The following UGT2B7 variants were observed in gnomAD, a reference collection of about 807,000 sequenced individuals.
UGT2B7 encodes UDP-glucuronosyltransferase 2B7.
Under a neutral mutation model 51.9 loss-of-function variants are expected in UGT2B7, and 51 were observed. That is an observed-to-expected ratio of 0.98 (90% CI 0.78 to 1.24). The LOEUF (loss-of-function observed/expected upper bound fraction) is 1.24, where lower values mean the gene tolerates loss of function less well. UGT2B7 is among the 50% of genes most tolerant of loss of function. UGT2B7 has a pLI of 0.00. For synonymous variants in UGT2B7, 225 were observed against 211.6 expected, an observed-to-expected ratio of 1.06 and a Z score of -0.55; for missense variants, 727 against 628.4, an observed-to-expected ratio of 1.16 and a Z score of -1.68.
chr4:69,058,840 G>T (rs1217225082), intron 1 of UGT2B7, among the ~76,000 whole-genome samples: 1 of 152,098 alleles, frequency 6.6e-6, no homozygotes, highest in African/African-American at 2.4e-5. Context: ...AGGGAAGCTG[G>T]CTTTGCAAGG....
At chr4:69,059,261 A>G (rs1374125262) in intron 1 of UGT2B7, among the ~76,000 whole-genome samples, 3 of 152,212 alleles carry the variant, frequency 2.0e-5, no homozygotes, top group Non-Finnish European at 2.9e-5. Flanking sequence ...CTGTGCAACT[A>G]TTGTGGGAGC....
chr4:69,076,128 C>T lies in UGT2B7; in HGVS notation c.-158-13344C>T, dbSNP rs536149525. Among the ~76,000 whole-genome samples, 9 of 152,272 alleles carry T rather than the reference C, an allele frequency of 5.9e-5. No homozygotes were observed. The South Asian group carries it at 1.0e-3, about 18-fold the overall frequency. ...ATGTACTCATCCTTTTTTATGTGTGCATAGTATTCTATGATATATATGTGC... is the reference window on the plus strand; with the variant it reads ...ATGTACTCATCCTTTTTTATGTGTGTATAGTATTCTATGATATATATGTGC... On this transcript the variant is annotated intron_variant, in intron 1 of 5. Coordinates refer to the UGT2B7 transcript ENST00000502942.
At chr4:69,061,840 A>T (rs2109863119) in intron 1 of UGT2B7, among the ~76,000 whole-genome samples, 1 of 152,182 alleles carries the variant, frequency 6.6e-6, no homozygotes, top group East Asian at 1.9e-4. Context: ...CTGCTTATGG[A>T]CTTCTCCGAA....
At position 69,103,016 on chromosome 4, in the gene UGT2B7, C is replaced by G. The variant is rs563041362; in HGVS notation, c.1002+78C>G. The G allele has an allele frequency of 3.9e-6, 6 of 1,551,612 alleles. No individual in the cohort carries two copies. In the African/African-American group the frequency reaches 7.0e-5, roughly 18 times the overall value. ...GTTTGAAGTAATCCAATTATAGAAACTTCTGATAAATGTGAAGTTGACCAA... is the reference window on the plus strand; with the variant it reads ...GTTTGAAGTAATCCAATTATAGAAAGTTCTGATAAATGTGAAGTTGACCAA... On this transcript the variant is annotated intron_variant, in intron 3 of 5. Coordinates refer to ENST00000305231, the MANE Select transcript of UGT2B7 (RefSeq NM_001074.4).
At chr4:69,073,013 G>C (rs180729954) in intron 1 of UGT2B7, among the ~76,000 whole-genome samples, 73 of 152,124 alleles carry the variant, frequency 4.8e-4, no homozygotes, top group Non-Finnish European at 1.5e-5. Flanking sequence ...TGAGCTTAGA[G>C]TTGGCCCACT....
chr4:69,082,193 C>T, intron 1 of UGT2B7, among the ~76,000 whole-genome samples: 1 of 151,940 alleles, frequency 6.6e-6, no homozygotes. Flanking sequence ...TCTCCCACAC[C>T]TCAGGCCTAT....
At chr4:69,108,375 T>C in intron 5 of UGT2B7, 53 bp downstream of exon 5, 1 of 1,587,182 alleles carries the variant, frequency 6.3e-7, no homozygotes, top group Non-Finnish European at 8.6e-7. Flanking sequence ...GCTTCTCTTG[T>C]CAATAGTGAG....
In UGT2B7 at chr4:69,096,838, G is replaced by A; in HGVS notation, c.318G>A (p.Trp106Ter). 1 of 1,613,690 alleles carries A rather than the reference G, an allele frequency of 6.2e-7. No individual in the cohort carries two copies. The highest frequency in any genetic ancestry group is 8.5e-7 in the Non-Finnish European group (1 of 1,179,856). Residue 106 changes from tryptophan to a stop codon, truncating the protein, a stop_gained, in exon 1 of 6, where the codon TGG becomes TGA. Transcript: ENST00000305231. LOFTEE classifies it high-confidence loss of function. Reference protein sequence around the residue: ...RWSDLPKDTFWLYFSQVQEIM... With the variant: ...RWSDLPKDTF ...CAGACCTTCCAAAAGATACATTTTGGTTATATTTTTCACAAGTACAGGAAA... is the reference window on the plus strand; with the variant it reads ...CAGACCTTCCAAAAGATACATTTTGATTATATTTTTCACAAGTACAGGAAA...
chr4:69,090,935 G>T (rs1027423431), intron 2 of UGT2B7, among the ~76,000 whole-genome samples: 1 of 152,078 alleles, frequency 6.6e-6, no homozygotes, highest in Non-Finnish European at 1.5e-5. Context: ...ACTGCCTAAG[G>T]TCTTCATTCC....
chr4:69,059,587 G>A (rs1187508017), intron 1 of UGT2B7, among the ~76,000 whole-genome samples: 2 of 152,168 alleles, frequency 1.3e-5, no homozygotes, highest in African/African-American at 4.8e-5. Context: ...AGTTTGGGCT[G>A]ATAGTAACCC....
At chr4:69,102,641 T>C (rs1266376889) in intron 2 of UGT2B7, among the ~76,000 whole-genome samples, 166 bp from the exon 3 acceptor site, 1 of 152,052 alleles carries the variant, frequency 6.6e-6, no homozygotes, top group East Asian at 1.9e-4. Flanking sequence ...ATATTATACA[T>C]CTACTTGCAA....
chr4:69,093,643 T>A (rs1719139321), upstream of UGT2B7, among the ~76,000 whole-genome samples: 1 of 152,180 alleles, frequency 6.6e-6, no homozygotes, highest in Non-Finnish European at 1.5e-5. Context: ...CATACCTTTG[T>A]GTGTCAGACT....
intron 1 of UGT2B7, among the ~76,000 whole-genome samples, chr4:69,084,380 C>G (rs915572398): frequency 2.8e-5 from 4 of 143,666 alleles, no homozygotes; most frequent in Non-Finnish European, 6.2e-5. Context: ...GGTAATCATA[C>G]TCTTGACAAA....
Position 69,073,615 on chromosome 4 carries a change from A to G in UGT2B7, c.-158-15857A>G, listed in dbSNP as rs568891405. Among the ~76,000 whole-genome samples, 19 of 152,320 alleles carry G rather than the reference A, an allele frequency of 1.2e-4. No homozygotes were observed. The South Asian group carries it at 2.9e-3, about 23-fold the overall frequency. On this transcript the variant is annotated intron_variant, in intron 1 of 5. Coordinates refer to the UGT2B7 transcript ENST00000502942. ...TGGATTAATCCACCATAATGAGGAC[A>G]TGCAGGTTGCAAGAGTTAAGTCAGA... is the stretch of plus-strand genomic sequence containing the variant.
rs1431847400 is a variant in UGT2B7, at chr4:69,107,182, G to A, written c.1010G>A (p.Trp337Ter). ...TTTTCTTTATTGTAACAGGTTCTGT[G>A]GAGATTTGATGGGAATAAACCAGAT... ...ALAQIPQKVLWRFDGNKPDTL... is the reference protein window; with the variant it reads ...ALAQIPQKVL Residue 337 changes from tryptophan to a stop codon, truncating the protein, a stop_gained, in exon 4 of 6, where the codon TGG becomes TAG. Coordinates refer to ENST00000305231, the MANE Select transcript of UGT2B7 (RefSeq NM_001074.4). LOFTEE classifies it high-confidence loss of function. 6.2e-6 allele frequency: 10 copies of A among 1,608,280 alleles called. No homozygotes were observed. Among genetic ancestry groups the A allele is most frequent in the Non-Finnish European group, 8.5e-6 (10 of 1,176,670 alleles).
At chr4:69,064,038 A>C (rs72851371) in intron 1 of UGT2B7, among the ~76,000 whole-genome samples, 12,066 of 95,856 alleles carry the variant, frequency 0.13, 460 homozygotes, top group East Asian at 0.29. Flanking sequence ...GAAAGAAAGA[A>C]AGAAAGAAAG....
chr4:69,104,469 T>C (rs1719531339), intron 3 of UGT2B7, among the ~76,000 whole-genome samples: 1 of 152,106 alleles, frequency 6.6e-6, no homozygotes, highest in Non-Finnish European at 1.5e-5. Flanking sequence ...TTTATGGATA[T>C]GACAAATTAA....
intron 1 of UGT2B7, among the ~76,000 whole-genome samples, chr4:69,075,968 C>T (rs1404804968): frequency 6.6e-6 from 1 of 151,970 alleles, no homozygotes; most frequent in African/African-American, 2.4e-5. Flanking sequence ...TGTGATGTTC[C>T]CCTCCCTGTG....
intron 1 of UGT2B7, among the ~76,000 whole-genome samples, chr4:69,074,427 A>T (rs868388552): frequency 1.7e-5 from 2 of 116,068 alleles, no homozygotes; most frequent in South Asian, 2.6e-4. Context: ...CCTTATCTTA[A>T]ATATATATAT....
Sources: gnomAD v4.1 joint callset for allele counts (sites outside exome capture counted in the v4.1 genomes callset) on GRCh38, gnomAD v4.1.1 for gene constraint, MANE v1.5 for transcripts, NCBI Gene and HGNC (gene_info 2026-07-23, HGNC 2026-07-21) for gene names.